Variants in YTHDC2 observed in about 807,000 individuals in gnomAD.
YTHDC2 encodes 3'-5' RNA helicase YTHDC2.
In YTHDC2, 45 loss-of-function variants were observed where a neutral mutation model predicts 174.9. The observed-to-expected ratio is 0.26, with a 90% CI of 0.20 to 0.33. YTHDC2 has a LOEUF of 0.33. Ranked by LOEUF, YTHDC2 falls within the 10% of genes least tolerant of loss-of-function variation. The pLI, the probability that YTHDC2 is intolerant of heterozygous loss-of-function variation, is 1.00. For missense variants in YTHDC2, 1,650 were observed against 1,723.7 expected, an observed-to-expected ratio of 0.96 and a Z score of 0.76; for synonymous variants, 657 against 574.5, an observed-to-expected ratio of 1.14 and a Z score of -2.05.
intron 24 of YTHDC2, chr5:113,579,962 CAG>C (rs1778300232): frequency 1.0e-6 from 1 of 977,098 alleles, no homozygotes; most frequent in Non-Finnish European, 1.2e-6. Flanking sequence ...TTATAAAGAA[CAG>C]AAATTTATTT....
intron 1 of YTHDC2, 58 bp from the exon 2 acceptor site, chr5:113,515,214 T>C (rs990174607): frequency 4.2e-5 from 55 of 1,298,864 alleles, no homozygotes; most frequent in Non-Finnish European, 5.7e-5. Flanking sequence ...CTGTGTGTTT[T>C]ACTTGAGAGA....
chr5:113,576,635 C>G (rs1410034994), intron 23 of YTHDC2, among the ~76,000 whole-genome samples: 1 of 152,002 alleles, frequency 6.6e-6, no homozygotes, highest in African/African-American at 2.4e-5. Context: ...TTCATTTGCT[C>G]TTTTTATTTC....
At chr5:113,586,768 C>G (rs1778701908) in intron 26 of YTHDC2, among the ~76,000 whole-genome samples, 1 of 149,004 alleles carries the variant, frequency 6.7e-6, no homozygotes, top group African/African-American at 2.5e-5. Context: ...TTGTTTTTTT[C>G]CATTGAGTTA....
At chr5:113,579,815 T>C (rs1032738231) in intron 24 of YTHDC2, 120 bp downstream of exon 24, 1 of 1,300,268 alleles carries the variant, frequency 7.7e-7, no homozygotes, top group African/African-American at 1.5e-5. Flanking sequence ...ATATAACTTG[T>C]TTTTCAGTTT....
intron 3 of YTHDC2, among the ~76,000 whole-genome samples, chr5:113,526,186 C>T (rs2112553165): frequency 6.6e-6 from 1 of 152,012 alleles, no homozygotes; most frequent in Admixed American, 6.5e-5. Flanking sequence ...TTTCCTACTA[C>T]AAAAATTTAA....
intron 12 of YTHDC2, among the ~76,000 whole-genome samples, chr5:113,551,384 A>G (rs1041608553): frequency 6.6e-6 from 1 of 152,066 alleles, no homozygotes; most frequent in Non-Finnish European, 1.5e-5. Flanking sequence ...ATCAATTATA[A>G]ATTTCAGGTA....
At chr5:113,537,823 C>G (rs1414988952) in intron 7 of YTHDC2, among the ~76,000 whole-genome samples, 4 of 152,050 alleles carry the variant, frequency 2.6e-5, no homozygotes, top group African/African-American at 9.7e-5. Flanking sequence ...CTTGTGTTAC[C>G]TGTCTTAGTT....
At chr5:113,584,135 C>A in intron 25 of YTHDC2, 167 bp from the exon 26 acceptor site, 1 of 519,204 alleles carries the variant, frequency 1.9e-6, no homozygotes, top group Non-Finnish European at 3.2e-6. Flanking sequence ...CCATAGACAT[C>A]TATATTTCCT....
chr5:113,553,282 A>C lies in YTHDC2; in HGVS notation c.1790A>C (p.His597Pro). 6.2e-7 allele frequency: 1 copy of C among 1,611,432 alleles called. No homozygotes were observed. Among genetic ancestry groups the C allele is most frequent in the Non-Finnish European group, 8.5e-7 (1 of 1,178,896 alleles). Reference protein sequence around the residue: ...EDRELLKAYHHSFDDEKVDLD... With the variant: ...EDRELLKAYHPSFDDEKVDLD... The stretch of plus-strand genomic sequence containing the variant: ...AGAGAGCTCCTGAAAGCTTATCATC[A>C]TAGTTTCGATGATGAAAAAGTAGAC... Residue 597 changes from histidine to proline, a missense_variant, in exon 13 of 30, where the codon CAT (histidine) becomes CCT (proline). Coordinates refer to ENST00000161863, the MANE Select transcript of YTHDC2 (RefSeq NM_022828.5).
chr5:113,523,082 C>T (rs1348604327), intron 2 of YTHDC2, among the ~76,000 whole-genome samples: 1 of 151,934 alleles, frequency 6.6e-6, no homozygotes, highest in Non-Finnish European at 1.5e-5. Flanking sequence ...ATATTTTACT[C>T]CATTTTGTAT....
intron 9 of YTHDC2, among the ~76,000 whole-genome samples, chr5:113,541,431 T>G (rs1775458697): frequency 1.3e-5 from 2 of 152,088 alleles, no homozygotes; most frequent in African/African-American, 4.8e-5. Context: ...GATCTCGTGA[T>G]CCACCCGCCT....
At chr5:113,561,716 C>G (rs1776988158) in intron 18 of YTHDC2, among the ~76,000 whole-genome samples, 1 of 152,096 alleles carries the variant, frequency 6.6e-6, no homozygotes, top group Non-Finnish European at 1.5e-5. Context: ...ATTCACCCGC[C>G]TCAGCCTCCC....
intron 5 of YTHDC2, 21 bp from the exon 6 acceptor site, chr5:113,534,284 G>C: frequency 6.3e-7 from 1 of 1,599,836 alleles, no homozygotes; most frequent in Non-Finnish European, 8.6e-7. Flanking sequence ...TGTGCACTTT[G>C]TTTTGCTTTT....
intron 16 of YTHDC2, among the ~76,000 whole-genome samples, chr5:113,555,531 A>G (rs189457732): frequency 1.8e-3 from 271 of 152,312 alleles, no homozygotes; most frequent in Admixed American, 3.8e-3. Context: ...CGTTCGGGAA[A>G]GGCTAACTTT....
In YTHDC2 at chr5:113,592,054, C is replaced by T. The variant is rs775560667; in HGVS notation, c.4088C>T (p.Ala1363Val). ...GAAAAGAGTCAGGACTGGGGCTCTGCTGGACTAGGAGGAGTATTTAAGGTG... is the reference window on the plus strand; with the variant it reads ...GAAAAGAGTCAGGACTGGGGCTCTGTTGGACTAGGAGGAGTATTTAAGGTG... ...GREKSQDWGS[A>V]GLGGVFKVEW... The change falls in exon 28 of 30, where the codon GCT becomes GTT. Residue 1363 changes from alanine to valine, a missense_variant. This residue lies in a region of YTHDC2 where 913 missense variants were observed against 940.4 expected (regional missense o/e 0.97). Transcript: ENST00000161863. 1 of 1,612,744 alleles carries T rather than the reference C, an allele frequency of 6.2e-7. No individual in the cohort carries two copies. The highest frequency in any genetic ancestry group is 2.2e-5 in the East Asian group (1 of 44,818).
intron 23 of YTHDC2, among the ~76,000 whole-genome samples, chr5:113,574,807 TC>T (rs202093983): frequency 0.018 from 2,327 of 130,136 alleles, 61 homozygotes; most frequent in African/African-American, 0.079. Flanking sequence ...TATGTAAAAC[TC>T]CTACGTTTCT....
intron 23 of YTHDC2, among the ~76,000 whole-genome samples, chr5:113,570,793 G>A (rs1002128023): frequency 2.0e-5 from 3 of 152,008 alleles, no homozygotes; most frequent in African/African-American, 4.8e-5. Context: ...TGGGATTACA[G>A]ACGTCTGCCA....
chr5:113,565,997 G>C lies in YTHDC2; in HGVS notation c.2820G>C (p.Leu940Phe), dbSNP rs1371763699. 6.2e-7 allele frequency: 1 copy of C among 1,610,400 alleles called. No individual in the cohort carries two copies. Among genetic ancestry groups the C allele is most frequent in the Non-Finnish European group, 8.5e-7 (1 of 1,178,494 alleles). The part of the protein sequence containing the change: ...MEIIIGMRTQ[L>F]LGQLRASGFV... ...TAATCATAGGCATGAGAACACAGTT[G>C]CTTGGTCAACTTAGAGCATCAGGTA... The change falls in exon 21 of 30, where the codon TTG becomes TTC. Residue 940 changes from leucine (L) to phenylalanine (F), a missense_variant. Leu to Phe is a conservative substitution (Grantham distance 22). This residue lies in a region of YTHDC2 where 913 missense variants were observed against 940.4 expected (regional missense o/e 0.97). Transcript: ENST00000161863.
In YTHDC2 at chr5:113,518,219, G is replaced by A. The variant is rs1773614110; in HGVS notation, c.278+2857G>A. 3.4e-5 allele frequency among the ~76,000 whole-genome samples: 4 copies of A among 119,250 alleles called. No homozygotes were observed. In the Admixed American group the frequency reaches 3.6e-4, roughly 11 times the overall value. 78.2% of individuals were successfully genotyped at this position (119,250 alleles called of 152,430 possible). A position where few individuals can be genotyped will look rare whatever the true frequency, so the allele number is the denominator to read the frequency against. On this transcript the variant is annotated intron_variant, in intron 2 of 29. Transcript: ENST00000161863. ...TGTTTTTTTTTTTTTTTGGAGACAA[G>A]GTCTTGCTCTGTCACCCAGGCTTTA...
Sources: gnomAD v4.1 joint callset for allele counts (sites outside exome capture counted in the v4.1 genomes callset) on GRCh38, gnomAD v4.1.1 for gene constraint, gnomAD v4.1.1 regional missense constraint, MANE v1.5 for transcripts, NCBI Gene and HGNC (gene_info 2026-07-23, HGNC 2026-07-21) for gene names.